CEP63: variants seen among roughly 807,000 people sequenced by gnomAD.
The protein encoded by CEP63 is centrosomal protein of 63 kDa.
A neutral mutation model predicts 89.1 loss-of-function variants in CEP63; 84 were observed. The ratio of observed to expected loss-of-function variants is 0.94; its 90% CI spans 0.79 to 1.13. The LOEUF is 1.13. Ranked by LOEUF, CEP63 falls within the 50% of genes most tolerant of loss-of-function variation. The pLI, the probability that CEP63 is intolerant of heterozygous loss-of-function variation, is 0.00. For missense variants in CEP63, 838 were observed against 813.3 expected (o/e 1.03, Z -0.37); for synonymous variants, 267 against 272.5 (o/e 0.98, Z 0.20).
At chr3:134,603,720 C>T in the CEP63 span, 2 of 1,613,456 alleles carry the variant, frequency 1.2e-6, no homozygotes, top group Admixed American at 3.3e-5. Flanking sequence ...GGGTCAGGGG[C>T]CATGTGTCCT....
At chr3:134,758,684 T>C in the CEP63 span, among the ~76,000 whole-genome samples, 2 of 152,168 alleles carry the variant, frequency 1.3e-5, no homozygotes, top group Non-Finnish European at 2.9e-5. Flanking sequence ...TTGGCCCTGA[T>C]CTAAGATAGT....
intron 11 of CEP63, among the ~76,000 whole-genome samples, chr3:134,571,983 A>G (rs539347589): frequency 6.6e-6 from 1 of 152,326 alleles, no homozygotes; most frequent in Non-Finnish European, 1.5e-5. Flanking sequence ...ACTGTGGCCT[A>G]TACTCATAAT....
the CEP63 span, among the ~76,000 whole-genome samples, chr3:134,683,822 T>A: frequency 6.6e-6 from 1 of 152,018 alleles, no homozygotes; most frequent in Admixed American, 6.6e-5. Flanking sequence ...ATCCTCCCCC[T>A]TCCCACCTCT....
At chr3:134,720,324 ATT>A in the CEP63 span, among the ~76,000 whole-genome samples, 2 of 152,090 alleles carry the variant, frequency 1.3e-5, no homozygotes, top group Non-Finnish European at 2.9e-5. Flanking sequence ...TCTTTTTAAT[ATT>A]GAGTTATAAG....
chr3:134,752,013 C>T, the CEP63 span, among the ~76,000 whole-genome samples: 10 of 152,156 alleles, frequency 6.6e-5, no homozygotes, highest in African/African-American at 1.9e-4. Flanking sequence ...CTCACTACTC[C>T]CCTGGGCCTG....
the CEP63 span, among the ~76,000 whole-genome samples, chr3:134,732,465 A>G: frequency 6.6e-6 from 1 of 152,200 alleles, no homozygotes; most frequent in Admixed American, 6.5e-5. Flanking sequence ...AGAGTTGATT[A>G]AACTCAGGAA....
At chr3:134,504,919 T>A (rs558123266) in intron 2 of CEP63, among the ~76,000 whole-genome samples, 9 of 152,334 alleles carry the variant, frequency 5.9e-5, no homozygotes, top group South Asian at 4.1e-4. Flanking sequence ...ATTGCATTTT[T>A]AAATTTCATT....
At chr3:134,726,626 G>T in the CEP63 span, among the ~76,000 whole-genome samples, 17 of 152,190 alleles carry the variant, frequency 1.1e-4, no homozygotes, top group Middle Eastern at 3.4e-3. Context: ...GCAGAAGCTT[G>T]ATCTGAATGC....
the CEP63 span, among the ~76,000 whole-genome samples, chr3:134,681,319 C>T: frequency 6.6e-6 from 1 of 152,122 alleles, no homozygotes; most frequent in Non-Finnish European, 1.5e-5. Flanking sequence ...ACACGTGGCC[C>T]ACAGGAGCCT....
downstream of CEP63, among the ~76,000 whole-genome samples, chr3:134,590,552 C>T (rs1330160166): frequency 6.6e-6 from 1 of 152,182 alleles, no homozygotes; most frequent in Non-Finnish European, 1.5e-5. Flanking sequence ...AATTTGCTCA[C>T]TCTAGAGTGG....
the CEP63 span, among the ~76,000 whole-genome samples, chr3:134,661,686 G>A: frequency 6.6e-6 from 1 of 152,208 alleles, no homozygotes; most frequent in Non-Finnish European, 1.5e-5. Flanking sequence ...AGAGAAAGAG[G>A]ATAAAGGGGA....
the CEP63 span, among the ~76,000 whole-genome samples, chr3:134,733,962 G>A: frequency 6.6e-6 from 1 of 152,184 alleles, no homozygotes; most frequent in African/African-American, 2.4e-5. Context: ...AGGCATTCCC[G>A]CTAAAGCAAA....
intron 6 of CEP63, among the ~76,000 whole-genome samples, chr3:134,541,879 T>C (rs1311508085): frequency 1.3e-5 from 2 of 152,112 alleles, no homozygotes; most frequent in Non-Finnish European, 2.9e-5. Context: ...ATGTATTTTA[T>C]TAAAAAGTAC....
chr3:134,592,002 G>A (rs747309726), downstream of CEP63, among the ~76,000 whole-genome samples: 2 of 152,214 alleles, frequency 1.3e-5, no homozygotes, highest in African/African-American at 4.8e-5. Flanking sequence ...TAAGTTTTCT[G>A]TGACCTTACA....
At chr3:134,709,843 G>T in the CEP63 span, among the ~76,000 whole-genome samples, 1 of 152,320 alleles carries the variant, frequency 6.6e-6, no homozygotes, top group South Asian at 2.1e-4. Context: ...GATATTTAGA[G>T]TGCACCCGGC....
chr3:134,595,999 A>G, the CEP63 span, among the ~76,000 whole-genome samples: 1 of 146,138 alleles, frequency 6.8e-6, no homozygotes, highest in Non-Finnish European at 1.5e-5. Flanking sequence ...CTCTTTCCCG[A>G]GAAAACAGGT....
At chr3:134,655,693 T>C in the CEP63 span, among the ~76,000 whole-genome samples, 1 of 152,046 alleles carries the variant, frequency 6.6e-6, no homozygotes, top group African/African-American at 2.4e-5. Context: ...TGAGGCTGCA[T>C]AGTGCCCGAG....
the CEP63 span, among the ~76,000 whole-genome samples, chr3:134,731,589 C>T: frequency 6.6e-6 from 1 of 152,216 alleles, no homozygotes; most frequent in South Asian, 2.1e-4. Context: ...AAAATAATGG[C>T]AGCTGCCTGA....
the CEP63 span, among the ~76,000 whole-genome samples, chr3:134,639,426 C>T: frequency 6.6e-6 from 1 of 152,210 alleles, no homozygotes; most frequent in Non-Finnish European, 1.5e-5. Flanking sequence ...TGATGAAGGG[C>T]ATCACTGGCA....
Sources: allele counts gnomAD v4.1 joint callset (sites outside exome capture counted in the v4.1 genomes callset), GRCh38; gene constraint gnomAD v4.1.1; transcripts MANE v1.5; gene names NCBI Gene and HGNC (gene_info 2026-07-23, HGNC 2026-07-21).